Variants in TYW1 observed in about 807,000 individuals in gnomAD.
TYW1 encodes the protein tRNA-yW synthesizing protein 1 homolog.
A neutral mutation model predicts 96.2 loss-of-function variants in TYW1; 46 were observed. That is an observed-to-expected ratio of 0.48 (90% CI 0.38 to 0.61). The LOEUF (loss-of-function observed/expected upper bound fraction) is 0.61. Among genes scored for constraint, TYW1 ranks in the 20% least tolerant of loss-of-function variants. The probability of loss-of-function intolerance (pLI) is 0.00; values close to 1 mark genes in which losing one functional copy is unlikely to be tolerated. For missense variants in TYW1, 684 were observed against 909.6 expected (o/e 0.75, Z 3.19); for synonymous variants, 274 against 323.0 (o/e 0.85, Z 1.63).
chr7:67,100,645 G>C (rs1797056456), intron 12 of TYW1, among the ~76,000 whole-genome samples: 1 of 151,934 alleles, frequency 6.6e-6, no homozygotes, highest in African/African-American at 2.4e-5. Context: ...ATGAGATTGA[G>C]ACCATCCTGG....
intron 15 of TYW1, among the ~76,000 whole-genome samples, chr7:67,221,282 T>C (rs1465226361): frequency 2.6e-5 from 4 of 152,260 alleles, no homozygotes; most frequent in Admixed American, 6.5e-5. Flanking sequence ...CAAAGTCTTA[T>C]TTTCTTTGAT....
chr7:67,214,679 T>C (rs1188231486), intron 15 of TYW1, among the ~76,000 whole-genome samples: 1 of 152,002 alleles, frequency 6.6e-6, no homozygotes, highest in African/African-American at 2.4e-5. Context: ...TTCCCTTCTG[T>C]TTCTAGTTTG....
intron 15 of TYW1, among the ~76,000 whole-genome samples, chr7:67,235,638 T>C (rs979586620): frequency 1.3e-5 from 2 of 152,118 alleles, no homozygotes; most frequent in African/African-American, 4.8e-5. Context: ...ACGCCTGTTA[T>C]CCCAGCACTT....
chr7:67,063,467 C>G (rs1408413338), intron 9 of TYW1, among the ~76,000 whole-genome samples: 6 of 152,264 alleles, frequency 3.9e-5, no homozygotes, highest in African/African-American at 9.6e-5. Flanking sequence ...GTTGCAAAGG[C>G]AGAAATAAAG....
At chr7:67,031,192 C>CAAAAAAAAAA (rs60531853) in intron 7 of TYW1, among the ~76,000 whole-genome samples, 1 of 107,844 alleles carries the variant, frequency 9.3e-6, no homozygotes, top group Non-Finnish European at 1.8e-5. Context: ...GACTCCATCT[C>CAAAAAAAAAA]AAAAAAAAAA....
chr7:67,003,747 G>C (rs1793478687), intron 3 of TYW1, among the ~76,000 whole-genome samples: 2 of 152,146 alleles, frequency 1.3e-5, no homozygotes, highest in African/African-American at 4.8e-5. Context: ...TCATTGTCAG[G>C]AATTTGAGTG....
chr7:67,225,397 A>G (rs1375163757), intron 15 of TYW1, among the ~76,000 whole-genome samples: 1 of 152,094 alleles, frequency 6.6e-6, no homozygotes. Context: ...CTTGATCTCC[A>G]TGATCATTAG....
At chr7:67,184,922 G>A (rs1186869193) in intron 14 of TYW1, among the ~76,000 whole-genome samples, 2 of 151,764 alleles carry the variant, frequency 1.3e-5, no homozygotes, top group Non-Finnish European at 2.9e-5. Flanking sequence ...TGACCAGGCT[G>A]GTCTCGAACT....
At chr7:67,173,530 A>G (rs186099711) in intron 13 of TYW1, among the ~76,000 whole-genome samples, 1 of 152,326 alleles carries the variant, frequency 6.6e-6, no homozygotes, top group Non-Finnish European at 1.5e-5. Flanking sequence ...TCTGGTTGTT[A>G]AGATTGATTA....
chr7:67,179,063 A>C (rs1799762107), intron 13 of TYW1, among the ~76,000 whole-genome samples: 1 of 141,748 alleles, frequency 7.1e-6, no homozygotes, highest in Non-Finnish European at 1.5e-5. Context: ...TGAAGGGTAC[A>C]GCTCCTTGCA....
Position 67,044,387 on chromosome 7 carries a change from C to T in TYW1, c.985-5562C>T, listed in dbSNP as rs1795123927. 3.3e-5 allele frequency among the ~76,000 whole-genome samples: 5 copies of T among 151,974 alleles called. No homozygotes were observed. The South Asian group carries it at 1.0e-3, about 32-fold the overall frequency. ...TGCTGGGATTACAGGTGTGAGCCAC[C>T]ACGTCCGACCTGAGTTTTTAATATT... On this transcript the variant is annotated intron_variant, in intron 7 of 15. Transcript: ENST00000359626.
chr7:67,140,879 T>C (rs1246569978), intron 13 of TYW1, among the ~76,000 whole-genome samples: 1 of 152,240 alleles, frequency 6.6e-6, no homozygotes, highest in African/African-American at 2.4e-5. Context: ...AAATAAGTTA[T>C]GGTTCAACCA....
At chr7:67,003,346 C>CT (rs1463311896) in intron 3 of TYW1, among the ~76,000 whole-genome samples, 2 of 151,940 alleles carry the variant, frequency 1.3e-5, no homozygotes, top group African/African-American at 4.8e-5. Flanking sequence ...GTTTGTTCTA[C>CT]TTTAAGAATA....
At chr7:67,229,845 C>A (rs142195775) in intron 15 of TYW1, among the ~76,000 whole-genome samples, 86 of 152,232 alleles carry the variant, frequency 5.6e-4, no homozygotes, top group African/African-American at 2.0e-3. Flanking sequence ...CCCAGCTCTT[C>A]CAGAGACTGA....
intron 14 of TYW1, among the ~76,000 whole-genome samples, chr7:67,191,774 C>T (rs1425987848): frequency 1.3e-5 from 2 of 151,700 alleles, no homozygotes; most frequent in African/African-American, 4.9e-5. Flanking sequence ...GTCTAAGTCA[C>T]CAAGAACATT....
chr7:67,064,968 G>A (rs1265925241), intron 9 of TYW1, among the ~76,000 whole-genome samples: 1 of 152,168 alleles, frequency 6.6e-6, no homozygotes, highest in Non-Finnish European at 1.5e-5. Context: ...TTAAACATTT[G>A]GAGACATCAT....
Position 67,072,934 on chromosome 7 carries a change from GTTTTTTTTTTTT to G in TYW1, c.1274+5550_1274+5561del, listed in dbSNP as rs529812538. On this transcript the variant is annotated intron_variant, in intron 10 of 15. Transcript: ENST00000359626. ...AGGCTTGTGCCACAATGCCTATCCA[GTTTTTTTTTTTT>G]TTTTTTTTTTTTTTTTTTATAGAGA... 1.5e-3 allele frequency among the ~76,000 whole-genome samples: 105 copies of G among 71,256 alleles called. 1 individual carries two copies. Among genetic ancestry groups the G allele is most frequent in the Middle Eastern group, 0.024 (2 of 82 alleles). 46.7% of individuals were successfully genotyped at this position (71,256 alleles called of 152,430 possible).
intron 13 of TYW1, among the ~76,000 whole-genome samples, chr7:67,172,749 A>T (rs1031117731): frequency 5.3e-5 from 8 of 151,246 alleles, no homozygotes; most frequent in Admixed American, 1.3e-4. Context: ...TGTTTCATAC[A>T]TTCAGTATTC....
intron 12 of TYW1, among the ~76,000 whole-genome samples, chr7:67,115,675 G>C (rs535661100): frequency 2.0e-5 from 3 of 152,206 alleles, no homozygotes; most frequent in Non-Finnish European, 4.4e-5. Flanking sequence ...ATATCTGCCT[G>C]TGTGGCTGGA....
Sources: allele counts gnomAD v4.1 joint callset (sites outside exome capture counted in the v4.1 genomes callset), GRCh38; gene constraint gnomAD v4.1.1; transcripts MANE v1.5; gene names NCBI Gene and HGNC (gene_info 2026-07-23, HGNC 2026-07-21).